The following ZNF385D variants were observed in gnomAD, a reference collection of about 807,000 sequenced individuals.
The protein encoded by ZNF385D is zinc finger protein 385D.
In ZNF385D, 15 loss-of-function variants were observed where a neutral mutation model predicts 35.8. The observed-to-expected ratio is 0.42, with a 90% CI of 0.28 to 0.64. The LOEUF (loss-of-function observed/expected upper bound fraction) is 0.64, where lower values mean the gene tolerates loss of function less well. Ranked by LOEUF, ZNF385D falls within the 30% of genes least tolerant of loss-of-function variation. The pLI is 0.23. For synonymous variants in ZNF385D, 212 were observed against 186.8 expected (o/e 1.13, Z -1.10); for missense variants, 474 against 494.6 (o/e 0.96, Z 0.39).
chr3:22,325,289 T>C (rs998058792), intron 2 of ZNF385D, among the ~76,000 whole-genome samples: 8 of 152,330 alleles, frequency 5.3e-5, no homozygotes, highest in African/African-American at 1.9e-4. Flanking sequence ...ATGTGGCTAG[T>C]AATATTGGGG....
At chr3:22,048,836 A>G (rs529329382) in intron 3 of ZNF385D, among the ~76,000 whole-genome samples, 1 of 152,220 alleles carries the variant, frequency 6.6e-6, no homozygotes, top group African/African-American at 2.4e-5. Flanking sequence ...CACTTTGGAT[A>G]GTACGGACAA....
chr3:21,474,786 C>T (rs1415282840), intron 4 of ZNF385D, among the ~76,000 whole-genome samples: 6 of 152,080 alleles, frequency 3.9e-5, no homozygotes, highest in Admixed American at 1.3e-4. Context: ...CTGTTTGAAA[C>T]TCAGCTTGGC....
chr3:21,636,363 AT>A (rs1363146319), intron 2 of ZNF385D, among the ~76,000 whole-genome samples: 3 of 100,930 alleles, frequency 3.0e-5, no homozygotes, highest in African/African-American at 7.7e-5. Context: ...ATTATATATG[AT>A]TATATATATA....
At position 21,583,803 on chromosome 3, in the gene ZNF385D, A is replaced by G. The variant is rs566554120; in HGVS notation, c.166-19119T>C. On this transcript the variant is annotated intron_variant, in intron 2 of 7. Coordinates refer to ENST00000281523, the MANE Select transcript of ZNF385D (RefSeq NM_024697.3). ...TTAAATATTCTATTATGTTATAACT[A>G]TACATAGTATGTTTCCACTTTTATG... 9.9e-5 allele frequency among the ~76,000 whole-genome samples: 15 copies of G among 150,966 alleles called. No homozygotes were observed. In the South Asian group the frequency reaches 2.9e-3, roughly 29 times the overall value.
chr3:22,118,482 G>T (rs1448853452), intron 3 of ZNF385D, among the ~76,000 whole-genome samples: 3 of 152,056 alleles, frequency 2.0e-5, no homozygotes, highest in East Asian at 1.9e-4. Flanking sequence ...TTTACAGGTT[G>T]TAGACTGTAC....
At chr3:21,719,312 G>A (rs1419392783) in intron 1 of ZNF385D, among the ~76,000 whole-genome samples, 1 of 152,154 alleles carries the variant, frequency 6.6e-6, no homozygotes, top group Non-Finnish European at 1.5e-5. Context: ...GTGTCATATT[G>A]TTAAAGTGCC....
At position 21,868,325 on chromosome 3, in the gene ZNF385D, A is replaced by G. The variant is rs140639536; in HGVS notation, c.326-203297T>C. On this transcript the variant is annotated intron_variant, in intron 3 of 5. Coordinates refer to the ZNF385D transcript ENST00000494108. ...ACAGGAAAAATTTTGCCTATGGGCCATATTTAAAGACCCCTGCTCATGATA... is the reference window on the plus strand; with the variant it reads ...ACAGGAAAAATTTTGCCTATGGGCCGTATTTAAAGACCCCTGCTCATGATA... Among the ~76,000 whole-genome samples the G allele has an allele frequency of 1.5e-3, 234 of 152,248 alleles. 3 individuals carry two copies. The highest frequency in any genetic ancestry group is 5.4e-3 in the African/African-American group (226 of 41,576).
At chr3:22,060,161 G>T (rs1699617353) in intron 3 of ZNF385D, among the ~76,000 whole-genome samples, 1 of 152,084 alleles carries the variant, frequency 6.6e-6, no homozygotes, top group South Asian at 2.1e-4. Context: ...TTTAAATTTG[G>T]ACTAAATTAC....
chr3:21,526,937 A>G (rs1184230523), intron 3 of ZNF385D, among the ~76,000 whole-genome samples: 1 of 152,178 alleles, frequency 6.6e-6, no homozygotes, highest in Non-Finnish European at 1.5e-5. Context: ...ATCTGGAAAC[A>G]GATCTGCATT....
intron 2 of ZNF385D, among the ~76,000 whole-genome samples, chr3:22,205,934 C>G (rs774514128): frequency 3.9e-5 from 6 of 151,964 alleles, no homozygotes; most frequent in Non-Finnish European, 8.8e-5. Context: ...TGTAAATGGA[C>G]TAAACTTCCC....
intron 3 of ZNF385D, among the ~76,000 whole-genome samples, chr3:21,774,097 G>A (rs1426601586): frequency 2.6e-5 from 4 of 151,930 alleles, no homozygotes. Context: ...CCTTAAAAAG[G>A]AACAAGATAA....
intron 3 of ZNF385D, among the ~76,000 whole-genome samples, chr3:21,922,670 C>A (rs611100): frequency 2.0e-5 from 3 of 152,080 alleles, no homozygotes; most frequent in Admixed American, 6.6e-5. Context: ...TGTAAGACCT[C>A]AAACCATAAG....
At chr3:21,654,822 A>G (rs562335424) in intron 2 of ZNF385D, among the ~76,000 whole-genome samples, 123 of 152,180 alleles carry the variant, frequency 8.1e-4, no homozygotes, top group Middle Eastern at 3.4e-3. Flanking sequence ...TCAGATCAGT[A>G]TGGGTCTGTG....
At position 21,880,714 on chromosome 3, in the gene ZNF385D, G is replaced by A. The variant is rs1211843756; in HGVS notation, c.326-215686C>T. ...AGAAATGATTAAGCTTAATGAAGAA[G>A]GCATGTCAAAAGCTGATACAGACTG... On this transcript the variant is annotated intron_variant, in intron 3 of 5. Transcript: ENST00000494108. Among the ~76,000 whole-genome samples, 5 of 152,042 alleles carry A rather than the reference G, an allele frequency of 3.3e-5. No homozygotes were observed. The East Asian group carries it at 5.8e-4, about 18-fold the overall frequency.
At chr3:21,781,698 C>CT (rs1258589027) in intron 3 of ZNF385D, among the ~76,000 whole-genome samples, 1 of 151,866 alleles carries the variant, frequency 6.6e-6, no homozygotes, top group Non-Finnish European at 1.5e-5. Context: ...ACACGTAAGT[C>CT]TTGTTATTAT....
intron 1 of ZNF385D, among the ~76,000 whole-genome samples, chr3:21,728,169 A>G (rs1028093056): frequency 6.6e-6 from 1 of 152,076 alleles, no homozygotes; most frequent in Non-Finnish European, 1.5e-5. Context: ...TAGCATTAGG[A>G]GAAATACCTA....
At chr3:21,800,077 T>G (rs2072327617) in intron 3 of ZNF385D, among the ~76,000 whole-genome samples, 1 of 152,200 alleles carries the variant, frequency 6.6e-6, no homozygotes, top group South Asian at 2.1e-4. Context: ...ATTTCTGGAC[T>G]ATCACTTCTA....
At chr3:21,779,239 T>C (rs1308761728) in intron 3 of ZNF385D, among the ~76,000 whole-genome samples, 1 of 151,994 alleles carries the variant, frequency 6.6e-6, no homozygotes, top group Non-Finnish European at 1.5e-5. Flanking sequence ...CCAAATGCAA[T>C]ATACTCTGCA....
chr3:21,460,875 A>G (rs1703126098), intron 4 of ZNF385D, among the ~76,000 whole-genome samples: 1 of 152,200 alleles, frequency 6.6e-6, no homozygotes, highest in Non-Finnish European at 1.5e-5. Context: ...TCTCTCTGTC[A>G]TGAGAAAAAT....
Sources: allele counts gnomAD v4.1 joint callset (sites outside exome capture counted in the v4.1 genomes callset), GRCh38; gene constraint gnomAD v4.1.1; transcripts MANE v1.5; gene names NCBI Gene and HGNC (gene_info 2026-07-23, HGNC 2026-07-21).